Variants in NAALADL2 observed in about 807,000 individuals in gnomAD.
The protein encoded by NAALADL2 is inactive N-acetylated-alpha-linked acidic dipeptidase-like protein 2.
A neutral mutation model predicts 87.2 loss-of-function variants in NAALADL2; 76 were observed. The ratio of observed to expected loss-of-function variants is 0.87; its 90% CI spans 0.72 to 1.05. NAALADL2 has a LOEUF of 1.05. Among genes scored for constraint, NAALADL2 ranks in the 50% least tolerant of loss-of-function variants. The pLI, the probability that NAALADL2 is intolerant of heterozygous loss-of-function variation, is 0.00. For synonymous variants in NAALADL2, 354 were observed against 331.0 expected (o/e 1.07, Z -0.75); for missense variants, 1,089 against 945.8 (o/e 1.15, Z -1.99).
intron 12 of NAALADL2, among the ~76,000 whole-genome samples, chr3:175,743,276 C>G (rs1010492876): frequency 6.6e-6 from 1 of 152,224 alleles, no homozygotes; most frequent in Non-Finnish European, 1.5e-5. Flanking sequence ...GCTGGGATTA[C>G]AGGCATGAGC....
intron 2 of NAALADL2, among the ~76,000 whole-genome samples, chr3:175,153,261 C>T (rs1017482529): frequency 6.6e-6 from 1 of 152,104 alleles, no homozygotes; most frequent in Non-Finnish European, 1.5e-5. Flanking sequence ...GCCTGCTCCT[C>T]CCAGTCTCCA....
At chr3:175,740,481 T>TA (rs1223312689) in intron 12 of NAALADL2, among the ~76,000 whole-genome samples, 1 of 152,164 alleles carries the variant, frequency 6.6e-6, no homozygotes, top group Non-Finnish European at 1.5e-5. Flanking sequence ...AAGTTAGGCA[T>TA]TCCTAGTCTC....
intron 10 of NAALADL2, among the ~76,000 whole-genome samples, chr3:175,577,638 T>C (rs1231650598): frequency 6.6e-6 from 1 of 152,162 alleles, no homozygotes. Flanking sequence ...ATACCCAGAA[T>C]ATCTAACTCC....
intron 2 of NAALADL2, among the ~76,000 whole-genome samples, chr3:175,182,306 C>A (rs1254248361): frequency 6.6e-6 from 1 of 151,972 alleles, no homozygotes; most frequent in Non-Finnish European, 1.5e-5. Flanking sequence ...AGCTCTTTAC[C>A]AAATGTATGG....
intron 2 of NAALADL2, among the ~76,000 whole-genome samples, chr3:175,222,705 A>G (rs976021710): frequency 2.0e-5 from 3 of 152,190 alleles, no homozygotes; most frequent in Non-Finnish European, 4.4e-5. Context: ...TGTTTTTGAA[A>G]GTTATATATG....
At chr3:175,003,918 G>A (rs1369852045) in intron 1 of NAALADL2, among the ~76,000 whole-genome samples, 1 of 152,108 alleles carries the variant, frequency 6.6e-6, no homozygotes, top group African/African-American at 2.4e-5. Flanking sequence ...AGACTTCGAA[G>A]ACAGAAAACA....
intron 5 of NAALADL2, among the ~76,000 whole-genome samples, chr3:175,379,491 T>G (rs768909667): frequency 6.6e-6 from 1 of 152,046 alleles, no homozygotes; most frequent in Non-Finnish European, 1.5e-5. Context: ...ACGTCTCGTA[T>G]GGTTTCTGGT....
chr3:174,539,866 C>A (rs1255651852), intron 1 of NAALADL2, among the ~76,000 whole-genome samples: 1 of 146,514 alleles, frequency 6.8e-6, no homozygotes, highest in East Asian at 2.1e-4. Context: ...AAAACATGAA[C>A]AAAGATGCCA....
chr3:174,952,544 A>G (rs1740528147), intron 1 of NAALADL2, among the ~76,000 whole-genome samples: 1 of 152,136 alleles, frequency 6.6e-6, no homozygotes, highest in Non-Finnish European at 1.5e-5. Context: ...ACTCTGAGCC[A>G]CACACTACTA....
intron 2 of NAALADL2, among the ~76,000 whole-genome samples, chr3:174,659,790 C>T (rs999667849): frequency 2.0e-5 from 3 of 152,130 alleles, no homozygotes; most frequent in Non-Finnish European, 4.4e-5. Context: ...GTCATGTGGT[C>T]GTTTTTTAAT....
intron 2 of NAALADL2, among the ~76,000 whole-genome samples, chr3:175,129,906 A>G (rs1322154477): frequency 6.6e-6 from 1 of 152,188 alleles, no homozygotes; most frequent in Non-Finnish European, 1.5e-5. Flanking sequence ...ACTGTTTTCC[A>G]TAATGATTGT....
intron 3 of NAALADL2, among the ~76,000 whole-genome samples, chr3:174,788,325 A>C (rs956383863): frequency 1.3e-5 from 2 of 152,212 alleles, no homozygotes; most frequent in African/African-American, 4.8e-5. Flanking sequence ...GTCTATTTGA[A>C]AGAAGACAAA....
chr3:175,072,768 A>G (rs1715893661), intron 1 of NAALADL2, among the ~76,000 whole-genome samples: 1 of 151,328 alleles, frequency 6.6e-6, no homozygotes, highest in Non-Finnish European at 1.5e-5. Flanking sequence ...CAGCACACCA[A>G]CATGGCACAT....
chr3:174,533,627 GAAA>G (rs10712725), intron 1 of NAALADL2, among the ~76,000 whole-genome samples: 241 of 143,944 alleles, frequency 1.7e-3, no homozygotes, highest in African/African-American at 5.5e-3. Context: ...AAATTAGTTG[GAAA>G]AAAAAAAAAA....
chr3:175,348,840 ACAATT>A (rs2148866940), intron 5 of NAALADL2, among the ~76,000 whole-genome samples: 1 of 152,326 alleles, frequency 6.6e-6, no homozygotes, highest in East Asian at 1.9e-4. Flanking sequence ...TTTGGGGAAC[ACAATT>A]CAATCCGTTA....
intron 2 of NAALADL2, among the ~76,000 whole-genome samples, chr3:174,617,959 C>T (rs762616552): frequency 1.3e-5 from 2 of 151,720 alleles, no homozygotes; most frequent in South Asian, 2.1e-4. Flanking sequence ...TAGTTATTCT[C>T]CATCTTCACT....
intron 13 of NAALADL2, among the ~76,000 whole-genome samples, chr3:175,781,817 C>A (rs1274393691): frequency 6.6e-6 from 1 of 151,874 alleles, no homozygotes; most frequent in South Asian, 2.1e-4. Context: ...CCCACTAACT[C>A]GTCATCTAGC....
chr3:175,139,308 T>TAC (rs1729636210), intron 2 of NAALADL2, among the ~76,000 whole-genome samples: 1 of 152,064 alleles, frequency 6.6e-6, no homozygotes, highest in Non-Finnish European at 1.5e-5. Context: ...GATATATATA[T>TAC]ACCTGAAAAA....
intron 1 of NAALADL2, among the ~76,000 whole-genome samples, chr3:174,512,408 C>T (rs1224638002): frequency 6.6e-6 from 1 of 152,028 alleles, no homozygotes; most frequent in African/African-American, 2.4e-5. Flanking sequence ...CTGAATGTCC[C>T]CAGTGTTCTT....
Sources: allele counts gnomAD v4.1 joint callset (sites outside exome capture counted in the v4.1 genomes callset), GRCh38; gene constraint gnomAD v4.1.1; transcripts MANE v1.5; gene names NCBI Gene and HGNC (gene_info 2026-07-23, HGNC 2026-07-21).